Variants in XRCC4 observed in about 807,000 individuals in gnomAD.
The protein encoded by XRCC4 is X-ray repair cross complementing 4, also known as DNA repair protein XRCC4.
In XRCC4, 28 loss-of-function variants were observed where a neutral mutation model predicts 39.1. The observed-to-expected ratio is 0.72, with a 90% CI of 0.53 to 0.98. XRCC4 has a LOEUF of 0.98. XRCC4 is among the 50% of genes least tolerant of loss of function. The pLI, the probability that XRCC4 is intolerant of heterozygous loss-of-function variation, is 0.00. For synonymous variants in XRCC4, 123 were observed against 126.4 expected (o/e 0.97, Z 0.18); for missense variants, 350 against 376.4 (o/e 0.93, Z 0.58).
intron 7 of XRCC4, among the ~76,000 whole-genome samples, chr5:83,329,919 A>AT (rs1226743782): frequency 6.6e-6 from 1 of 152,136 alleles, no homozygotes. Flanking sequence ...GAGGTTGAAA[A>AT]TTAGATGGCA....
intron 3 of XRCC4, among the ~76,000 whole-genome samples, chr5:83,137,432 G>A (rs1383468987): frequency 6.6e-6 from 1 of 152,094 alleles, no homozygotes; most frequent in African/African-American, 2.4e-5. Context: ...TAGAAATATT[G>A]TTCAAATTAC....
intron 7 of XRCC4, chr5:83,258,933 A>G: frequency 2.6e-6 from 1 of 382,170 alleles, no homozygotes. Context: ...TAGAAATGGC[A>G]TGTAGGATAC....
chr5:83,131,451 T>C (rs895345875), intron 3 of XRCC4, among the ~76,000 whole-genome samples: 6 of 152,180 alleles, frequency 3.9e-5, no homozygotes, highest in Non-Finnish European at 1.5e-5. Context: ...TTCTGTCTCA[T>C]TGATCTGTCT....
At chr5:83,362,872 A>G in the XRCC4 span, among the ~76,000 whole-genome samples, 4 of 152,218 alleles carry the variant, frequency 2.6e-5, no homozygotes, top group Non-Finnish European at 5.9e-5. Flanking sequence ...GTTATACACA[A>G]AGTTACCAAC....
intron 7 of XRCC4, among the ~76,000 whole-genome samples, chr5:83,307,835 C>T (rs541619630): frequency 1.3e-5 from 2 of 152,288 alleles, no homozygotes; most frequent in South Asian, 4.1e-4. Context: ...CATGTACATA[C>T]TGTAAATATT....
At chr5:83,280,608 C>G in intron 7 of XRCC4, 1 of 410,314 alleles carries the variant, frequency 2.4e-6, no homozygotes, top group East Asian at 4.5e-5. Context: ...CCAAGACCAC[C>G]CTTCTCAAGG....
intron 3 of XRCC4, among the ~76,000 whole-genome samples, chr5:83,176,404 A>G (rs571661305): frequency 6.6e-5 from 10 of 152,146 alleles, no homozygotes; most frequent in Non-Finnish European, 1.3e-4. Flanking sequence ...TTATGTACCC[A>G]TAAAAATTAA....
chr5:83,185,593 A>G (rs1056439837), intron 3 of XRCC4, among the ~76,000 whole-genome samples: 4 of 151,924 alleles, frequency 2.6e-5, no homozygotes. Flanking sequence ...TGAATGTTTG[A>G]AAAAAGAATT....
chr5:83,087,282 A>C (rs1400690621), intron 1 of XRCC4, among the ~76,000 whole-genome samples: 2 of 152,080 alleles, frequency 1.3e-5, no homozygotes, highest in Non-Finnish European at 1.5e-5. Flanking sequence ...GCGCCACTGC[A>C]CTCCAGCCTG....
At chr5:83,110,560 G>A (rs917465667) in intron 2 of XRCC4, among the ~76,000 whole-genome samples, 1 of 151,864 alleles carries the variant, frequency 6.6e-6, no homozygotes, top group Non-Finnish European at 1.5e-5. Context: ...TCTGTTGTTG[G>A]CACATGATAT....
At chr5:83,109,057 C>T (rs1746330091) in intron 2 of XRCC4, among the ~76,000 whole-genome samples, 1 of 151,664 alleles carries the variant, frequency 6.6e-6, no homozygotes, top group Admixed American at 6.6e-5. Flanking sequence ...ATTATCAAAA[C>T]TTGTTATCAA....
At chr5:83,315,326 A>G (rs1019310752) in intron 7 of XRCC4, among the ~76,000 whole-genome samples, 2 of 152,170 alleles carry the variant, frequency 1.3e-5, no homozygotes, top group Non-Finnish European at 2.9e-5. Flanking sequence ...GAAAGAAGCC[A>G]TTTATAACAA....
intron 7 of XRCC4, among the ~76,000 whole-genome samples, chr5:83,326,699 A>G (rs1353106407): frequency 6.6e-6 from 1 of 152,042 alleles, no homozygotes; most frequent in Non-Finnish European, 1.5e-5. Context: ...CATTTCTTGT[A>G]TTCTTATAGC....
chr5:83,223,316 A>G (rs1022977997), intron 6 of XRCC4, among the ~76,000 whole-genome samples: 5 of 151,776 alleles, frequency 3.3e-5, no homozygotes, highest in East Asian at 1.9e-4. Flanking sequence ...ATACAGTTCT[A>G]TTTCTTTCTA....
At chr5:83,366,953 T>C in the XRCC4 span, among the ~76,000 whole-genome samples, 1 of 152,188 alleles carries the variant, frequency 6.6e-6, no homozygotes, top group African/African-American at 2.4e-5. Context: ...AGACCTAGCA[T>C]ACTATATATT....
At chr5:83,242,560 C>T (rs973812822) in intron 6 of XRCC4, among the ~76,000 whole-genome samples, 8 of 152,096 alleles carry the variant, frequency 5.3e-5, no homozygotes, top group African/African-American at 1.9e-4. Context: ...ATCCTCCTGC[C>T]TCAGCCTCCC....
chr5:83,305,219 T>TA (rs1169776028), intron 7 of XRCC4, among the ~76,000 whole-genome samples: 2 of 152,152 alleles, frequency 1.3e-5, no homozygotes, highest in Non-Finnish European at 2.9e-5. Context: ...ATCAGTGTGG[T>TA]ATATTTACTA....
chr5:83,182,964 G>A (rs1282583230), intron 3 of XRCC4, among the ~76,000 whole-genome samples: 1 of 152,142 alleles, frequency 6.6e-6, no homozygotes, highest in Non-Finnish European at 1.5e-5. Context: ...ATCAGAGCCT[G>A]AATAGACTAA....
intron 3 of XRCC4, among the ~76,000 whole-genome samples, chr5:83,190,760 A>G (rs1750658382): frequency 6.6e-6 from 1 of 152,200 alleles, no homozygotes; most frequent in East Asian, 1.9e-4. Flanking sequence ...TTGTGTGGCC[A>G]TTTAAAAGAA....
Sources: gnomAD v4.1 joint callset for allele counts (sites outside exome capture counted in the v4.1 genomes callset) on GRCh38, gnomAD v4.1.1 for gene constraint, MANE v1.5 for transcripts, NCBI Gene and HGNC (gene_info 2026-07-23, HGNC 2026-07-21) for gene names.